Variants in GLI2 observed in about 807,000 individuals in gnomAD.
GLI2 encodes the protein GLI family zinc finger 2.
A neutral mutation model predicts 78.9 loss-of-function variants in GLI2; 22 were observed. That is an observed-to-expected ratio of 0.28 (90% CI 0.20 to 0.40). The LOEUF is 0.40. Ranked by LOEUF, GLI2 falls within the 10% of genes least tolerant of loss-of-function variation. The pLI is 1.00. For missense variants in GLI2, 2,097 were observed against 2,213.2 expected, an observed-to-expected ratio of 0.95 and a Z score of 1.05; for synonymous variants, 974 against 963.7, an observed-to-expected ratio of 1.01 and a Z score of -0.20.
At chr2:120,916,501 TG>T (rs1558880034) in intron 2 of GLI2, among the ~76,000 whole-genome samples, 2 of 152,270 alleles carry the variant, frequency 1.3e-5, no homozygotes. Context: ...TTCCTGACTT[TG>T]AGGCCACTTG....
intron 3 of GLI2, among the ~76,000 whole-genome samples, chr2:120,945,616 T>A (rs886177781): frequency 6.6e-6 from 1 of 152,148 alleles, no homozygotes; most frequent in Non-Finnish European, 1.5e-5. Flanking sequence ...ACAGAGGGAC[T>A]CAAGTCAAGA....
intron 1 of GLI2, among the ~76,000 whole-genome samples, chr2:120,752,463 C>T (rs1682906570): frequency 1.3e-5 from 2 of 151,906 alleles, no homozygotes; most frequent in Admixed American, 1.3e-4. Flanking sequence ...TAGAGATGGG[C>T]TTTCACCATG....
rs111408284 is a variant in GLI2 at position 120,809,139 on chromosome 2, A to G, written c.148+11671A>G. Reference sequence around the variant, plus strand: ...CAAGCATCCATCCGCTAATGAATGGATGAGCAGAACGTGGTATGTATGTAC... The same window carrying G: ...CAAGCATCCATCCGCTAATGAATGGGTGAGCAGAACGTGGTATGTATGTAC... On this transcript the variant is annotated intron_variant, in intron 2 of 13. Transcript: ENST00000361492. 3.6e-3 allele frequency among the ~76,000 whole-genome samples: 550 copies of G among 152,376 alleles called. 3 individuals carry two copies. Among genetic ancestry groups the G allele is most frequent in the African/African-American group, 0.013 (533 of 41,590 alleles).
chr2:120,811,481 G>A (rs930979303), intron 2 of GLI2, among the ~76,000 whole-genome samples: 20 of 152,214 alleles, frequency 1.3e-4, no homozygotes, highest in African/African-American at 4.8e-4. Flanking sequence ...TCGCTAAGGA[G>A]GGCTCCTTAA....
intron 2 of GLI2, among the ~76,000 whole-genome samples, chr2:120,906,223 A>T (rs972819403): frequency 6.6e-6 from 1 of 152,124 alleles, no homozygotes; most frequent in African/African-American, 2.4e-5. Flanking sequence ...GGACAGTGGG[A>T]GTAGGATTGG....
chr2:120,819,184 C>T (rs1685646605), intron 2 of GLI2, among the ~76,000 whole-genome samples: 1 of 150,762 alleles, frequency 6.6e-6, no homozygotes, highest in African/African-American at 2.4e-5. Flanking sequence ...GTTTGTGTTG[C>T]ACTTTAAAAG....
At chr2:120,954,528 G>C (rs1372452770) in intron 4 of GLI2, among the ~76,000 whole-genome samples, 1 of 152,222 alleles carries the variant, frequency 6.6e-6, no homozygotes, top group East Asian at 1.9e-4. Flanking sequence ...GTAGTGCACA[G>C]TGGCTAGGAG....
chr2:120,955,157 T>G, intron 4 of GLI2, 88 bp from the exon 5 acceptor site: 1 of 310,182 alleles, frequency 3.2e-6, no homozygotes, highest in Non-Finnish European at 5.6e-6. Flanking sequence ...CTCTGCCTTT[T>G]TTTTTTTTTT....
At chr2:120,872,054 C>A (rs963410636) in intron 2 of GLI2, among the ~76,000 whole-genome samples, 1 of 152,176 alleles carries the variant, frequency 6.6e-6, no homozygotes, top group Non-Finnish European at 1.5e-5. Context: ...GGGTGAGGGG[C>A]CCTGGAAGGG....
At chr2:120,924,062 C>A (rs1441252466) in intron 2 of GLI2, among the ~76,000 whole-genome samples, 1 of 152,164 alleles carries the variant, frequency 6.6e-6, no homozygotes, top group Non-Finnish European at 1.5e-5. Flanking sequence ...GTGGTCTGGG[C>A]TCTGATGGCA....
intron 3 of GLI2, among the ~76,000 whole-genome samples, chr2:120,939,754 G>A (rs560825394): frequency 6.6e-6 from 1 of 152,306 alleles, no homozygotes; most frequent in South Asian, 2.1e-4. Context: ...TGGGCCCCAA[G>A]TGCGGGGTTA....
chr2:120,936,069 G>T (rs888123055), intron 3 of GLI2, among the ~76,000 whole-genome samples: 3 of 152,056 alleles, frequency 2.0e-5, no homozygotes, highest in African/African-American at 7.2e-5. Flanking sequence ...CCTGTCCCTC[G>T]GGGTCCCCAC....
At chr2:120,899,643 G>C (rs774090702) in intron 2 of GLI2, among the ~76,000 whole-genome samples, 2 of 152,178 alleles carry the variant, frequency 1.3e-5, no homozygotes, top group Non-Finnish European at 2.9e-5. Flanking sequence ...AGAAGGCCCT[G>C]TTCAGCCCTG....
intron 1 of GLI2, among the ~76,000 whole-genome samples, chr2:120,796,184 G>A (rs1448248535): frequency 1.3e-5 from 2 of 152,164 alleles, no homozygotes; most frequent in East Asian, 1.9e-4. Context: ...CCCATGCCCC[G>A]AATCCCGCTG....
chr2:120,856,690 C>T (rs749625662), intron 2 of GLI2, among the ~76,000 whole-genome samples: 24 of 152,108 alleles, frequency 1.6e-4, no homozygotes, highest in South Asian at 4.2e-4. Context: ...AGCCCTCTGT[C>T]ATTCTACTTG....
At chr2:120,879,546 G>A (rs530699272) in intron 2 of GLI2, among the ~76,000 whole-genome samples, 1 of 152,284 alleles carries the variant, frequency 6.6e-6, no homozygotes, top group East Asian at 1.9e-4. Flanking sequence ...GGAGGAGGAT[G>A]GTGTCCACAG....
chr2:120,852,377 G>A (rs900587484), intron 2 of GLI2, among the ~76,000 whole-genome samples: 1 of 152,190 alleles, frequency 6.6e-6, no homozygotes, highest in African/African-American at 2.4e-5. Flanking sequence ...GGCCACTGCA[G>A]GCCAAAGGAG....
intron 2 of GLI2, among the ~76,000 whole-genome samples, chr2:120,845,411 G>GGGATGAT (rs1272564803): frequency 1.3e-5 from 2 of 152,218 alleles, no homozygotes; most frequent in African/African-American, 4.8e-5. Context: ...TCCCCACTTG[G>GGGATGAT]CTTCAAGGAA....
chr2:120,848,266 CT>C (rs1687219934), intron 2 of GLI2, among the ~76,000 whole-genome samples: 1 of 152,234 alleles, frequency 6.6e-6, no homozygotes, highest in South Asian at 2.1e-4. Context: ...GCCTCCTGCC[CT>C]GGCCCGTGGG....
Sources: allele counts gnomAD v4.1 joint callset (sites outside exome capture counted in the v4.1 genomes callset), GRCh38; gene constraint gnomAD v4.1.1; transcripts MANE v1.5; gene names NCBI Gene and HGNC (gene_info 2026-07-23, HGNC 2026-07-21).